Variants in LRRIQ1 observed in about 807,000 individuals in gnomAD.
The protein encoded by LRRIQ1 is leucine-rich repeat- and IQ domain-containing protein 1.
LRRIQ1 carries 210 observed loss-of-function variants against 211.9 expected under a neutral mutation model. That is an observed-to-expected ratio of 0.99 (90% CI 0.89 to 1.11). The LOEUF is 1.11. LRRIQ1 is among the 50% of genes most tolerant of loss of function. LRRIQ1 has a pLI of 0.00. For missense variants in LRRIQ1, 2,136 were observed against 1,939.5 expected, an observed-to-expected ratio of 1.10 and a Z score of -1.90; for synonymous variants, 699 against 650.1, an observed-to-expected ratio of 1.08 and a Z score of -1.14.
intron 1 of LRRIQ1, among the ~76,000 whole-genome samples, chr12:85,261,484 C>G (rs1388829871): frequency 6.6e-6 from 1 of 151,820 alleles, no homozygotes; most frequent in Non-Finnish European, 1.5e-5. Context: ...GCTGACTCTT[C>G]TATTTGAATT....
rs982271068 is a variant in LRRIQ1 at position 85,242,797 on chromosome 12, T to C, written c.5017-1992T>C. Among the ~76,000 whole-genome samples, 8 of 152,028 alleles carry C rather than the reference T, an allele frequency of 5.3e-5. No homozygotes were observed. In the South Asian group the frequency reaches 1.7e-3, roughly 31 times the overall value. The stretch of plus-strand genomic sequence containing the variant: ...GCTAAATGGCATCATTGTGAAGCCA[T>C]GTGTTTCCAGTAATTTTACTTCTAA... On this transcript the variant is annotated intron_variant, in intron 26 of 26. Transcript: ENST00000393217.
At chr12:85,241,245 C>G (rs763327290) in intron 26 of LRRIQ1, among the ~76,000 whole-genome samples, 14 of 151,874 alleles carry the variant, frequency 9.2e-5, no homozygotes, top group African/African-American at 1.7e-4. Flanking sequence ...GGGAGTTGAA[C>G]TTCATGTTTA....
intron 24 of LRRIQ1, among the ~76,000 whole-genome samples, chr12:85,178,757 A>G (rs1409082352): frequency 1.3e-5 from 2 of 151,938 alleles, no homozygotes; most frequent in Non-Finnish European, 2.9e-5. Flanking sequence ...AATATTACAT[A>G]GAATTTTGTT....
intron 23 of LRRIQ1, chr12:85,159,680 G>A (rs980052437): frequency 3.3e-5 from 5 of 151,868 alleles, no homozygotes; most frequent in African/African-American, 1.2e-4. Flanking sequence ...GTAGAGAGAT[G>A]GTTATAAGAC....
chr12:85,239,776 GGGA>G (rs1368279782), intron 26 of LRRIQ1, among the ~76,000 whole-genome samples: 1 of 151,934 alleles, frequency 6.6e-6, no homozygotes, highest in Non-Finnish European at 1.5e-5. Flanking sequence ...CCAGGAGTTT[GGGA>G]CCAGCCTGGT....
intron 26 of LRRIQ1, among the ~76,000 whole-genome samples, chr12:85,237,714 G>T (rs570999521): frequency 1.3e-5 from 2 of 152,150 alleles, no homozygotes; most frequent in East Asian, 3.9e-4. Context: ...AACTCCTCTA[G>T]ATCCACATAG....
chr12:85,149,479 C>T (rs1490533774), intron 19 of LRRIQ1, among the ~76,000 whole-genome samples: 1 of 151,796 alleles, frequency 6.6e-6, no homozygotes, highest in Non-Finnish European at 1.5e-5. Context: ...GGTGTTATTT[C>T]TGAGGTCTCT....
chr12:85,056,898 A>C lies in LRRIQ1; in HGVS notation c.2105A>C (p.Asn702Thr), dbSNP rs750249858. ...AGCTCCATGGTATCTAAAGAAGTCA[A>C]CTCTCTTAAATCTGAGATTAGAAAT... Reference protein sequence around the residue: ...AESSMVSKEVNSLKSEIRNIS... With the variant: ...AESSMVSKEVTSLKSEIRNIS... The change falls in exon 8 of 27, where the codon AAC becomes ACC. Residue 702 changes from asparagine (N) to threonine (T), a missense_variant. Transcript: ENST00000393217. 1 of 1,613,248 alleles carries C rather than the reference A, an allele frequency of 6.2e-7. No homozygotes were observed. Among genetic ancestry groups the C allele is most frequent in the Admixed American group, 1.7e-5 (1 of 59,908 alleles).
chr12:85,041,127 A>C (rs567137714), intron 3 of LRRIQ1, among the ~76,000 whole-genome samples: 2 of 151,726 alleles, frequency 1.3e-5, no homozygotes, highest in African/African-American at 4.8e-5. Flanking sequence ...TAATAAACCT[A>C]TTTTTAAAAA....
intron 15 of LRRIQ1, among the ~76,000 whole-genome samples, chr12:85,119,100 T>G (rs749781775): frequency 6.6e-6 from 1 of 152,150 alleles, no homozygotes; most frequent in Admixed American, 6.5e-5. Context: ...TATAATTACA[T>G]GTATCCACTA....
At chr12:85,198,611 A>G (rs1021474623) in intron 24 of LRRIQ1, among the ~76,000 whole-genome samples, 6 of 149,644 alleles carry the variant, frequency 4.0e-5, no homozygotes, top group African/African-American at 7.5e-5. Flanking sequence ...TCTGTTTCCC[A>G]GGCTGGAGTG....
intron 24 of LRRIQ1, among the ~76,000 whole-genome samples, chr12:85,195,157 G>A (rs1359742990): frequency 1.3e-5 from 2 of 151,854 alleles, no homozygotes; most frequent in Non-Finnish European, 2.9e-5. Context: ...CCAATAACAG[G>A]ATCTGAAATT....
chr12:85,198,129 ATT>A (rs1893086802), intron 24 of LRRIQ1, among the ~76,000 whole-genome samples: 1 of 122,034 alleles, frequency 8.2e-6, no homozygotes. Context: ...TATAATATAT[ATT>A]ATATATAATA....
chr12:85,250,977 T>TATATATTATATTATATATA (rs1565929054), intron 1 of LRRIQ1, among the ~76,000 whole-genome samples: 68 of 115,504 alleles, frequency 5.9e-4, no homozygotes, highest in African/African-American at 2.2e-3. Flanking sequence ...TTATATATAT[T>TATATATTATATTATATATA]ATAGATTATA....
chr12:85,123,303 A>T (rs1888119263), intron 16 of LRRIQ1, among the ~76,000 whole-genome samples: 1 of 151,960 alleles, frequency 6.6e-6, no homozygotes, highest in Non-Finnish European at 1.5e-5. Flanking sequence ...TTCAGAAAAA[A>T]ATTAGGCAGC....
Position 85,121,822 on chromosome 12 carries a change from A to T in LRRIQ1, c.3503A>T (p.Gln1168Leu). Reference protein sequence around the residue: ...LGSAGFLALCQSQIREFNLLI... With the variant: ...LGSAGFLALCLSQIREFNLLI... ...TCAGCAGGTTTCCTGGCACTTTGTC[A>T]GTCTCAGATTCGAGAATTCAACTTG... The change falls in exon 16 of 27, where the codon CAG becomes CTG. Residue 1168 changes from glutamine (Q) to leucine (L), a missense_variant. Physicochemically the swap from Gln to Leu is moderately radical, Grantham distance 113. Transcript: ENST00000393217. The T allele has an allele frequency of 2.5e-6, 4 of 1,607,290 alleles. No individual in the cohort carries two copies. The highest frequency in any genetic ancestry group is 3.4e-6 in the Non-Finnish European group (4 of 1,176,968).
intron 24 of LRRIQ1, among the ~76,000 whole-genome samples, chr12:85,196,862 A>G (rs994262022): frequency 1.7e-4 from 26 of 152,196 alleles, no homozygotes; most frequent in African/African-American, 5.1e-4. Flanking sequence ...CTGCACTGCA[A>G]AAGAAACTAC....
rs138463738 is a variant in LRRIQ1 at position 85,188,308 on chromosome 12, TA to T, written c.4822+27597del. ...TTAATTATAGAATACAAGGTGCTGT[TA>T]AAGTATTAACTATTTGGTATTTCAT... On this transcript the variant is annotated intron_variant, in intron 24 of 26. Transcript: ENST00000393217. Among the ~76,000 whole-genome samples the T allele has an allele frequency of 9.2e-3, 1,403 of 152,244 alleles. 14 individuals carry two copies. The highest frequency in any genetic ancestry group is 0.031 in the African/African-American group (1,305 of 41,536).
chr12:85,250,893 T>TA lies in LRRIQ1; in HGVS notation c.121+5984_121+5985insA, dbSNP rs1413949589. On this transcript the variant is annotated intron_variant, in intron 1 of 1. Coordinates refer to the LRRIQ1 transcript ENST00000602731. ...TATATATTATATTATATATAATATATTTTATATATTATATATAATATATTT... is the reference window on the plus strand; with the variant it reads ...TATATATTATATTATATATAATATATATTTATATATTATATATAATATATTT... Among the ~76,000 whole-genome samples the TA allele has an allele frequency of 4.5e-4, 43 of 96,454 alleles. 2 individuals are homozygous for TA. The highest frequency in any genetic ancestry group is 2.1e-3 in the African/African-American group (40 of 19,504). 63.3% of individuals were successfully genotyped at this position (96,454 alleles called of 152,430 possible).
Sources: gnomAD v4.1 joint callset for allele counts (sites outside exome capture counted in the v4.1 genomes callset) on GRCh38, gnomAD v4.1.1 for gene constraint, MANE v1.5 for transcripts, NCBI Gene and HGNC (gene_info 2026-07-23, HGNC 2026-07-21) for gene names.